The following PIKFYVE variants were observed in gnomAD, a reference collection of about 807,000 sequenced individuals.
The protein encoded by PIKFYVE is phosphoinositide kinase, FYVE-type zinc finger containing.
In PIKFYVE, 122 loss-of-function variants were observed where a neutral mutation model predicts 257.9. The observed-to-expected ratio is 0.47, with a 90% CI of 0.41 to 0.55. PIKFYVE has a LOEUF of 0.55. Ranked by LOEUF, PIKFYVE falls within the 20% of genes least tolerant of loss-of-function variation. PIKFYVE has a pLI of 0.00. For synonymous variants in PIKFYVE, 892 were observed against 868.9 expected, an observed-to-expected ratio of 1.03 and a Z score of -0.47; for missense variants, 2,160 against 2,536.6, an observed-to-expected ratio of 0.85 and a Z score of 3.19.
At chr2:208,338,616 T>A in intron 29 of PIKFYVE, 48 bp downstream of exon 29, 1 of 1,562,174 alleles carries the variant, frequency 6.4e-7, no homozygotes, top group South Asian at 1.1e-5. Flanking sequence ...TTAAAGAAAT[T>A]TCTTATTGTA....
At chr2:208,272,558 A>G (rs902130793) in intron 2 of PIKFYVE, among the ~76,000 whole-genome samples, 1 of 152,164 alleles carries the variant, frequency 6.6e-6, no homozygotes, top group Admixed American at 6.5e-5. Flanking sequence ...TTTTTAAGTA[A>G]TATGTCTTTT....
At chr2:208,330,050 A>T in intron 22 of PIKFYVE, 137 bp downstream of exon 22, 1 of 1,222,808 alleles carries the variant, frequency 8.2e-7, no homozygotes, top group South Asian at 1.4e-5. Context: ...AGAGTATATC[A>T]TTCAAAGAAG....
At chr2:208,339,084 C>T (rs771452781) in intron 29 of PIKFYVE, among the ~76,000 whole-genome samples, 2 of 152,142 alleles carry the variant, frequency 1.3e-5, no homozygotes, top group African/African-American at 2.4e-5. Context: ...AGCATGCCGT[C>T]TTTCTCAGAG....
intron 28 of PIKFYVE, among the ~76,000 whole-genome samples, chr2:208,337,418 A>G (rs1238298941): frequency 6.6e-6 from 1 of 152,086 alleles, no homozygotes; most frequent in African/African-American, 2.4e-5. Context: ...AAATTTATAG[A>G]TAGATATATC....
Position 208,325,325 on chromosome 2 carries a change from A to G in PIKFYVE, c.2514A>G (p.Thr838=). ...FEGCPQHLGC[T]IKLRGGSDYE... ...GTTGTCCACAGCACCTAGGCTGTAC[A>G]ATCAAGCTAAGAGGAGGCTCTGATT... The change falls in exon 20 of 42, where the codon ACA becomes ACG. Residue 838 remains threonine, a synonymous_variant. Transcript: ENST00000264380. 6.2e-7 allele frequency: 1 copy of G among 1,614,136 alleles called. No individual in the cohort carries two copies. Among genetic ancestry groups the G allele is most frequent in the Admixed American group, 1.7e-5 (1 of 60,008 alleles).
chr2:208,341,065 T>C (rs928236577), intron 31 of PIKFYVE, among the ~76,000 whole-genome samples: 12 of 152,094 alleles, frequency 7.9e-5, no homozygotes, highest in Non-Finnish European at 1.5e-4. Flanking sequence ...TGGAATGTAG[T>C]GGTGTGATCT....
intron 7 of PIKFYVE, among the ~76,000 whole-genome samples, chr2:208,297,690 G>A (rs1282413862): frequency 2.0e-5 from 3 of 152,124 alleles, no homozygotes; most frequent in Non-Finnish European, 4.4e-5. Context: ...CCTAATGAAT[G>A]AGTTACATAT....
chr2:208,314,163 T>A, intron 13 of PIKFYVE, 131 bp from the exon 14 acceptor site: 1 of 1,037,720 alleles, frequency 9.6e-7, no homozygotes, highest in Non-Finnish European at 1.4e-6. Context: ...TGTTCTTGCC[T>A]TTTTACACCA....
chr2:208,292,060 T>G (rs1410573522), intron 7 of PIKFYVE, among the ~76,000 whole-genome samples: 1 of 152,184 alleles, frequency 6.6e-6, no homozygotes, highest in Admixed American at 6.5e-5. Flanking sequence ...CTCATGTATT[T>G]TTTTTTACAA....
chr2:208,285,809 T>C lies in PIKFYVE; in HGVS notation c.697T>C (p.Leu233=). ...AGACAGTAATTCTATTGGGGAAGAC[T>C]TGAATGCTCTTTCAGATTCTGCTTG... ...STDSNSIGED[L]NALSDSACSV... Residue 233 remains leucine, a synonymous_variant, in exon 6 of 42, where the codon TTG becomes CTG. Coordinates refer to ENST00000264380, the MANE Select transcript of PIKFYVE (RefSeq NM_015040.4). 1.2e-6 allele frequency: 2 copies of C among 1,614,032 alleles called. No individual in the cohort carries two copies. Among genetic ancestry groups the C allele is most frequent in the Non-Finnish European group, 1.7e-6 (2 of 1,179,894 alleles).
At chr2:208,313,306 T>A (rs1026266304) in intron 13 of PIKFYVE, among the ~76,000 whole-genome samples, 1 of 152,216 alleles carries the variant, frequency 6.6e-6, no homozygotes, top group Non-Finnish European at 1.5e-5. Context: ...CTTTAAAAAA[T>A]TTAAAGATTT....
chr2:208,349,961 A>G lies in PIKFYVE; in HGVS notation c.5375-63A>G, dbSNP rs1574759014. The G allele has an allele frequency of 8.2e-6, 13 of 1,590,836 alleles. No individual in the cohort carries two copies. The Admixed American group carries it at 1.8e-4, about 22-fold the overall frequency. On this transcript the variant is annotated intron_variant, in intron 35 of 41. Transcript: ENST00000264380. ...TTTTGTTACATCAAGGAAAAAGGAA[A>G]GGACAAAATGAACTGATAATTACTC...
intron 32 of PIKFYVE, among the ~76,000 whole-genome samples, chr2:208,343,150 A>C (rs1337968016): frequency 2.0e-5 from 3 of 152,140 alleles, no homozygotes; most frequent in African/African-American, 7.2e-5. Context: ...GAAGTATAGG[A>C]TGATTCCTAA....
At chr2:208,327,903 A>G (rs1574652353) in intron 20 of PIKFYVE, among the ~76,000 whole-genome samples, 1 of 152,228 alleles carries the variant, frequency 6.6e-6, no homozygotes, top group African/African-American at 2.4e-5. Flanking sequence ...TTTTTCCAAA[A>G]TAATTTAGTG....
chr2:208,290,270 T>C (rs1379958376), intron 7 of PIKFYVE, among the ~76,000 whole-genome samples: 1 of 152,236 alleles, frequency 6.6e-6, no homozygotes, highest in Non-Finnish European at 1.5e-5. Flanking sequence ...ACTGGGCTTC[T>C]CCTATTTATC....
chr2:208,325,607 G>A lies in PIKFYVE; in HGVS notation c.2796G>A (p.Leu932=), dbSNP rs112358810. 1.8e-4 allele frequency: 298 copies of A among 1,614,096 alleles called. 2 individuals are homozygous for A. The Middle Eastern group carries it at 2.3e-3, about 13-fold the overall frequency. The change falls in exon 20 of 42, where the codon TTG becomes TTA. Residue 932 remains leucine, a synonymous_variant. Coordinates refer to ENST00000264380, the MANE Select transcript of PIKFYVE (RefSeq NM_015040.4). Reference sequence around the variant, plus strand: ...GTGATGATAGCAGTTTGCTGGAATTGAGGATTGTGTTTGAGAAGGGTGAGC... The same window carrying A: ...GTGATGATAGCAGTTTGCTGGAATTAAGGATTGTGTTTGAGAAGGGTGAGC... ...LPCDDSSLLE[L]RIVFEKGEQE...
At chr2:208,320,478 A>G in intron 17 of PIKFYVE, 119 bp downstream of exon 17, 3 of 1,223,222 alleles carry the variant, frequency 2.5e-6, no homozygotes, top group Non-Finnish European at 3.5e-6. Flanking sequence ...CAAACTTGAT[A>G]GCTTACCAAA....
Position 208,344,301 on chromosome 2 carries a change from T to C in PIKFYVE, c.5028-810T>C, listed in dbSNP as rs571272250. On this transcript the variant is annotated intron_variant, in intron 32 of 41. Coordinates refer to ENST00000264380, the MANE Select transcript of PIKFYVE (RefSeq NM_015040.4). ...TTTACAAAATGTGATATACTAGATA[T>C]TGGATGTACAGGAGTAAATAAGATA... Among the ~76,000 whole-genome samples, 17 of 152,298 alleles carry C rather than the reference T, an allele frequency of 1.1e-4. No homozygotes were observed. The East Asian group carries it at 1.7e-3, about 16-fold the overall frequency.
At chr2:208,349,880 ATGCT>A (rs1247316520) in intron 35 of PIKFYVE, 140 bp from the exon 36 acceptor site, 1 of 1,228,274 alleles carries the variant, frequency 8.1e-7, no homozygotes, top group Non-Finnish European at 1.1e-6. Flanking sequence ...TGTATATCTT[ATGCT>A]TGCTTGATAG....
Sources: allele counts gnomAD v4.1 joint callset (sites outside exome capture counted in the v4.1 genomes callset), GRCh38; gene constraint gnomAD v4.1.1; transcripts MANE v1.5; gene names NCBI Gene and HGNC (gene_info 2026-07-23, HGNC 2026-07-21).